The following AK2 variants were observed in gnomAD, a reference collection of about 807,000 sequenced individuals.
AK2 encodes the protein adenylate kinase 2, mitochondrial.
A neutral mutation model predicts 24.6 loss-of-function variants in AK2; 15 were observed. That is an observed-to-expected ratio of 0.61 (90% CI 0.41 to 0.94). AK2 has a LOEUF of 0.94. Ranked by LOEUF, AK2 falls within the 40% of genes least tolerant of loss-of-function variation. The pLI is 0.00. For missense variants in AK2, 257 were observed against 304.1 expected (o/e 0.85, Z 1.15); for synonymous variants, 102 against 114.0 (o/e 0.90, Z 0.67).
chr1:33,021,526 A>G, intron 3 of AK2, 65 bp from the exon 4 acceptor site: 1 of 1,605,436 alleles, frequency 6.2e-7, no homozygotes, highest in Non-Finnish European at 8.5e-7. Flanking sequence ...CCTTCAAAGG[A>G]ATTAAGAAAG....
chr1:33,025,965 T>C (rs1357432678), intron 1 of AK2, among the ~76,000 whole-genome samples: 1 of 152,208 alleles, frequency 6.6e-6, no homozygotes, highest in African/African-American at 2.4e-5. Context: ...GACTATGTAC[T>C]TAAAGAGCTT....
chr1:33,036,042 G>A (rs1202850409), intron 1 of AK2, among the ~76,000 whole-genome samples: 1 of 152,130 alleles, frequency 6.6e-6, no homozygotes, highest in East Asian at 1.9e-4. Flanking sequence ...TTAGCCTTCA[G>A]TAGCCTCAGG....
Position 33,011,583 on chromosome 1 carries a change from C to G in AK2, c.*1598G>C, listed in dbSNP as rs1489481072. ...AGGAGGCTGGGCACTTTAGAGTCCA[C>G]TGAATCGAGTCAGCAGCAGATTATG... is the stretch of plus-strand genomic sequence containing the variant. On this transcript the variant is annotated 3_prime_UTR_variant, in exon 6 of 6. Coordinates refer to ENST00000672715, the MANE Select transcript of AK2 (RefSeq NM_001625.4). 6 of 1,287,788 alleles carry G rather than the reference C, an allele frequency of 4.7e-6. No homozygotes were observed. In the East Asian group the frequency reaches 2.8e-4, roughly 59 times the overall value. The allele number at this position is 1,287,788 out of a possible 1,614,324, so 79.8% of individuals were successfully genotyped here.
In AK2 at chr1:33,008,564, TA is replaced by T. The variant is rs1208913119; in HGVS notation, c.*4616del. On this transcript the variant is annotated 3_prime_UTR_variant, in exon 6 of 6. Coordinates refer to ENST00000672715, the MANE Select transcript of AK2 (RefSeq NM_001625.4). ...CTGTGTGCAGAGCTACGCAAGTAAT[TA>T]AATCACTTCAGCAACAAGATCAAGG... 3 of 454,050 alleles carry T rather than the reference TA, an allele frequency of 6.6e-6. No individual in the cohort carries two copies. Among genetic ancestry groups the T allele is most frequent in the South Asian group, 4.7e-5 (3 of 64,474 alleles). The allele number at this position is 454,050 out of a possible 1,614,324, so 28.1% of individuals were successfully genotyped here.
At position 33,011,907 on chromosome 1, in the gene AK2, G is replaced by C. The variant is rs978248491; in HGVS notation, c.*1274C>G. 3 of 1,531,842 alleles carry C rather than the reference G, an allele frequency of 2.0e-6. No homozygotes were observed. The highest frequency in any genetic ancestry group is 2.6e-6 in the Non-Finnish European group (3 of 1,145,664). The allele number at this position is 1,531,842 out of a possible 1,614,324, so 94.9% of individuals were successfully genotyped here. A position where few individuals can be genotyped will look rare whatever the true frequency, so the allele number is the denominator to read the frequency against. Reference sequence around the variant, plus strand: ...GGTGAAGGGTTGGATCTAGAAAGGAGAGGGTTTGGGCTTAAAAAGAACATA... The same window carrying C: ...GGTGAAGGGTTGGATCTAGAAAGGACAGGGTTTGGGCTTAAAAAGAACATA... On this transcript the variant is annotated 3_prime_UTR_variant, in exon 6 of 6. Coordinates refer to ENST00000672715, the MANE Select transcript of AK2 (RefSeq NM_001625.4).
intron 4 of AK2, among the ~76,000 whole-genome samples, chr1:33,019,123 G>C (rs1639376446): frequency 6.6e-6 from 1 of 152,146 alleles, no homozygotes; most frequent in Non-Finnish European, 1.5e-5. Flanking sequence ...TCTTCATCGA[G>C]GAAGAGTTTA....
chr1:33,012,448 A>G lies in AK2; in HGVS notation c.*733T>C, dbSNP rs749812387. 1 of 1,445,020 alleles carries G rather than the reference A, an allele frequency of 6.9e-7. No homozygotes were observed. The highest frequency in any genetic ancestry group is 9.2e-7 in the Non-Finnish European group (1 of 1,091,566). 89.5% of individuals were successfully genotyped at this position (1,445,020 alleles called of 1,614,324 possible). A position where few individuals can be genotyped will look rare whatever the true frequency, so the allele number is the denominator to read the frequency against. ...TCTCTGTCCATAATGTGCCATCAGG[A>G]ACTGTGACCCTGCCTGACTTCACAT... is the stretch of plus-strand genomic sequence containing the variant. On this transcript the variant is annotated 3_prime_UTR_variant, in exon 6 of 6. Transcript: ENST00000672715.
rs556577262 is a variant in AK2 at position 33,009,622 on chromosome 1, C to T, written c.*3559G>A. On this transcript the variant is annotated 3_prime_UTR_variant, in exon 6 of 6. Coordinates refer to ENST00000672715, the MANE Select transcript of AK2 (RefSeq NM_001625.4). ...TGGCATAACCAACTTCCTTTTTCAGCTGAGGAAACAGGAGCACAGTGAATA... is the reference window on the plus strand; with the variant it reads ...TGGCATAACCAACTTCCTTTTTCAGTTGAGGAAACAGGAGCACAGTGAATA... 4.4e-6 allele frequency: 2 copies of T among 454,112 alleles called. No individual in the cohort carries two copies. Among genetic ancestry groups the T allele is most frequent in the South Asian group, 1.6e-5 (1 of 64,478 alleles). 28.1% of individuals were successfully genotyped at this position (454,112 alleles called of 1,614,324 possible).
intron 4 of AK2, among the ~76,000 whole-genome samples, chr1:33,018,536 G>C (rs879792176): frequency 6.6e-6 from 1 of 152,196 alleles, no homozygotes; most frequent in Non-Finnish European, 1.5e-5. Flanking sequence ...GAGGCAGAAA[G>C]CAGGCTTCCA....
At chr1:33,019,429 A>G (rs1639394531) in intron 4 of AK2, among the ~76,000 whole-genome samples, 1 of 152,132 alleles carries the variant, frequency 6.6e-6, no homozygotes, top group Admixed American at 6.5e-5. Context: ...TGATGTCTTT[A>G]CTGTTAACCC....
chr1:33,021,722 A>G lies in AK2; in HGVS notation c.220-19T>C. 1.3e-6 allele frequency: 2 copies of G among 1,591,518 alleles called. No individual in the cohort carries two copies. Among genetic ancestry groups the G allele is most frequent in the African/African-American group, 2.7e-5 (2 of 74,544 alleles). ...CACTCACCTGGAAGTTAGGAACAAA[A>G]TAGCCTTGGGTTTAAATCCATTACC... On this transcript the variant is annotated intron_variant, in intron 2 of 5. Transcript: ENST00000672715.
At chr1:33,031,281 T>C (rs1389298480) in intron 1 of AK2, 1 of 180,356 alleles carries the variant, frequency 5.5e-6, no homozygotes, top group Non-Finnish European at 1.2e-5. Context: ...CAATGTAAAT[T>C]AATGACTACT....
intron 1 of AK2, among the ~76,000 whole-genome samples, chr1:33,034,223 C>T (rs1017456128): frequency 1.3e-5 from 2 of 152,042 alleles, no homozygotes; most frequent in Non-Finnish European, 2.9e-5. Flanking sequence ...ATCACATCTC[C>T]TCTATTTCTA....
At chr1:33,033,578 T>C (rs1640384588) in intron 1 of AK2, among the ~76,000 whole-genome samples, 1 of 152,230 alleles carries the variant, frequency 6.6e-6, no homozygotes, top group Non-Finnish European at 1.5e-5. Context: ...TAAAAATTGT[T>C]GATTTTTTAA....
rs148327981 is a variant in AK2 at position 33,033,875 on chromosome 1, T to C, written c.93+2861A>G. Reference sequence around the variant, plus strand: ...AGGCTACCATTTGTAAAGTCTGATTTAAGATCTTTTTTTTTTGAGACAAAG... The same window carrying C: ...AGGCTACCATTTGTAAAGTCTGATTCAAGATCTTTTTTTTTTGAGACAAAG... On this transcript the variant is annotated intron_variant, in intron 1 of 5. Coordinates refer to ENST00000672715, the MANE Select transcript of AK2 (RefSeq NM_001625.4). 2.2e-3 allele frequency among the ~76,000 whole-genome samples: 334 copies of C among 152,242 alleles called. 2 individuals carry two copies. Among genetic ancestry groups the C allele is most frequent in the African/African-American group, 7.7e-3 (320 of 41,540 alleles).
rs1638616023 is a variant in AK2, at chr1:33,008,552, TAC to T, written c.*4627_*4628del. 3 of 453,956 alleles carry T rather than the reference TAC, an allele frequency of 6.6e-6. No homozygotes were observed. The highest frequency in any genetic ancestry group is 1.3e-5 in the Non-Finnish European group (3 of 226,792). 28.1% of individuals were successfully genotyped at this position (453,956 alleles called of 1,614,324 possible). ...GAGCAGCCCTTCCTGTGTGCAGAGC[TAC>T]GCAAGTAATTAAATCACTTCAGCAA... On this transcript the variant is annotated 3_prime_UTR_variant, in exon 6 of 6. Coordinates refer to ENST00000672715, the MANE Select transcript of AK2 (RefSeq NM_001625.4).
rs1245713913 is a variant in AK2 at position 33,010,371 on chromosome 1, G to C, written c.*2810C>G. 1 of 470,348 alleles carries C rather than the reference G, an allele frequency of 2.1e-6. No homozygotes were observed. Among genetic ancestry groups the C allele is most frequent in the East Asian group, 6.5e-5 (1 of 15,382 alleles). The allele number at this position is 470,348 out of a possible 1,614,324, so 29.1% of individuals were successfully genotyped here. On this transcript the variant is annotated 3_prime_UTR_variant, in exon 6 of 6. Transcript: ENST00000672715. ...TGGTTTTTTGATCTTACAGTGTGTG[G>C]AACCGGAGTCAGTAATCAAAGCTCC... is the stretch of plus-strand genomic sequence containing the variant.
rs192209857 is a variant in AK2, at chr1:33,021,373, G to A, written c.419C>T (p.Thr140Ile). The stretch of plus-strand genomic sequence containing the variant: ...ACCTTCAAGGGACAAATACCTTCCT[G>A]TGATTCTTCGGATCAGCAGAGAGTC... ...IPDSLLIRRI[T>I]GRLIHPKSGR... is the part of the protein sequence containing the mutation. The change falls in exon 4 of 6, where the codon ACA becomes ATA. Residue 140 changes from threonine (T) to isoleucine (I), a missense_variant. Transcript: ENST00000672715. The A allele has an allele frequency of 1.1e-5, 18 of 1,613,742 alleles. No homozygotes were observed. The African/African-American group carries it at 2.0e-4, about 18-fold the overall frequency.
intron 4 of AK2, chr1:33,019,591 T>G: frequency 1.0e-6 from 1 of 982,750 alleles, no homozygotes; most frequent in Non-Finnish European, 1.2e-6. Flanking sequence ...TAGAGTCCAC[T>G]GTATTTCATA....
Sources: allele counts gnomAD v4.1 joint callset (sites outside exome capture counted in the v4.1 genomes callset), GRCh38; gene constraint gnomAD v4.1.1; transcripts MANE v1.5; gene names NCBI Gene and HGNC (gene_info 2026-07-23, HGNC 2026-07-21).